Variants in CDH13 observed in about 807,000 individuals in gnomAD.
The protein encoded by CDH13 is cadherin-13.
A neutral mutation model predicts 63.8 loss-of-function variants in CDH13; 24 were observed. The observed-to-expected ratio is 0.38, with a 90% CI of 0.27 to 0.53. CDH13 has a LOEUF of 0.53. Ranked by LOEUF, CDH13 falls within the 20% of genes least tolerant of loss-of-function variation. The probability of loss-of-function intolerance (pLI) is 0.85; values close to 1 mark genes in which losing one functional copy is unlikely to be tolerated. For missense variants in CDH13, 1,049 were observed against 903.1 expected (o/e 1.16, Z -2.07); for synonymous variants, 503 against 355.3 (o/e 1.42, Z -4.67).
At chr16:83,426,440 T>G (rs1456486933) in intron 6 of CDH13, among the ~76,000 whole-genome samples, 1 of 151,996 alleles carries the variant, frequency 6.6e-6, no homozygotes, top group Non-Finnish European at 1.5e-5. Context: ...ACCATAAATC[T>G]CCTCCTGGAC....
At chr16:83,459,511 A>G (rs1054743300) in intron 6 of CDH13, among the ~76,000 whole-genome samples, 6 of 152,242 alleles carry the variant, frequency 3.9e-5, no homozygotes, top group African/African-American at 1.4e-4. Context: ...GGGTGAAACT[A>G]AAAACTTTTT....
chr16:83,542,625 G>T (rs1598260343), intron 7 of CDH13, among the ~76,000 whole-genome samples: 1 of 152,322 alleles, frequency 6.6e-6, no homozygotes, highest in Middle Eastern at 3.4e-3. Flanking sequence ...TGCTCTGGCA[G>T]CTAGTCCAGG....
intron 13 of CDH13, among the ~76,000 whole-genome samples, chr16:83,785,281 T>C (rs954099396): frequency 3.3e-5 from 5 of 152,202 alleles, no homozygotes; most frequent in East Asian, 1.9e-4. Flanking sequence ...GGCAGATTCA[T>C]TGTCTAGTGA....
At chr16:83,526,089 A>G (rs1430489921) in intron 7 of CDH13, among the ~76,000 whole-genome samples, 2 of 152,252 alleles carry the variant, frequency 1.3e-5, no homozygotes, top group Non-Finnish European at 2.9e-5. Flanking sequence ...AATTTGTTAC[A>G]GTAGCAATAT....
intron 4 of CDH13, among the ~76,000 whole-genome samples, chr16:83,140,782 A>G (rs1011726023): frequency 1.3e-5 from 2 of 152,220 alleles, no homozygotes; most frequent in African/African-American, 4.8e-5. Context: ...GGCATAGAGC[A>G]TGACATAAAA....
intron 3 of CDH13, among the ~76,000 whole-genome samples, chr16:83,094,094 A>G (rs888536519): frequency 1.5e-4 from 23 of 152,328 alleles, no homozygotes; most frequent in African/African-American, 5.3e-4. Flanking sequence ...TTACTCAGCA[A>G]TTAATCCTCA....
intron 1 of CDH13, among the ~76,000 whole-genome samples, chr16:82,704,168 A>AT (rs1282247494): frequency 1.2e-4 from 18 of 151,970 alleles, no homozygotes; most frequent in Admixed American, 1.1e-3. Flanking sequence ...GGGGGTGGGC[A>AT]TGGGGGGTTG....
intron 8 of CDH13, among the ~76,000 whole-genome samples, chr16:83,637,125 A>G (rs1911333728): frequency 6.6e-6 from 1 of 152,184 alleles, no homozygotes; most frequent in South Asian, 2.1e-4. Flanking sequence ...AACCATTTTA[A>G]ATACAGTTTG....
At chr16:83,003,902 C>A (rs1280338294) in intron 2 of CDH13, among the ~76,000 whole-genome samples, 1 of 152,142 alleles carries the variant, frequency 6.6e-6, no homozygotes, top group Non-Finnish European at 1.5e-5. Flanking sequence ...TTTATATTCT[C>A]CTTTAGTTTG....
chr16:83,481,873 C>T (rs768332348), intron 6 of CDH13, among the ~76,000 whole-genome samples: 13 of 152,052 alleles, frequency 8.5e-5, no homozygotes, highest in South Asian at 6.2e-4. Context: ...AAGACAAGCC[C>T]GGATAGGAAG....
intron 1 of CDH13, among the ~76,000 whole-genome samples, chr16:82,654,221 C>T (rs958904379): frequency 4.6e-5 from 7 of 152,140 alleles, no homozygotes; most frequent in African/African-American, 1.7e-4. Context: ...ACAGCAGGTC[C>T]GAGTCTCTCT....
chr16:82,703,853 C>G (rs1023472470), intron 1 of CDH13, among the ~76,000 whole-genome samples: 4 of 152,150 alleles, frequency 2.6e-5, no homozygotes, highest in Non-Finnish European at 4.4e-5. Context: ...TTCAGAGCCC[C>G]GTCAGTGACA....
Position 82,776,387 on chromosome 16 carries a change from G to C in CDH13, c.46-81975G>C, listed in dbSNP as rs573681422. 3.9e-5 allele frequency among the ~76,000 whole-genome samples: 6 copies of C among 152,302 alleles called. No homozygotes were observed. In the South Asian group the frequency reaches 1.2e-3, roughly 32 times the overall value. On this transcript the variant is annotated intron_variant, in intron 1 of 13. Transcript: ENST00000567109. ...CAAGGCCTGCATGCAAAAAAACCCA[G>C]TGCAGAGTTGGTGGTCAATTAGCTG... is the stretch of plus-strand genomic sequence containing the variant.
intron 3 of CDH13, among the ~76,000 whole-genome samples, chr16:83,104,160 C>G (rs375853149): frequency 1.3e-5 from 2 of 152,122 alleles, no homozygotes; most frequent in African/African-American, 4.8e-5. Flanking sequence ...TGTTGTTTTA[C>G]CATCCTAACA....
At position 83,514,161 on chromosome 16, in the gene CDH13, A is replaced by C. The variant is rs185269338; in HGVS notation, c.960+27506A>C. 4.3e-3 allele frequency among the ~76,000 whole-genome samples: 654 copies of C among 152,292 alleles called. 2 individuals carry two copies. Among genetic ancestry groups the C allele is most frequent in the South Asian group, 0.011 (53 of 4,816 alleles). ...TTGTTCTCTATATTTATTTACATGC[A>C]CTTAATCCTCACAATTACTCCATGC... On this transcript the variant is annotated intron_variant, in intron 7 of 13. Transcript: ENST00000567109.
chr16:82,930,479 G>A (rs1381123825), intron 2 of CDH13, among the ~76,000 whole-genome samples: 1 of 151,866 alleles, frequency 6.6e-6, no homozygotes, highest in Non-Finnish European at 1.5e-5. Context: ...TTTTCTTGAA[G>A]TAACTTTATG....
chr16:83,710,903 C>T (rs148343668), intron 10 of CDH13, among the ~76,000 whole-genome samples: 4 of 152,276 alleles, frequency 2.6e-5, no homozygotes, highest in East Asian at 1.9e-4. Flanking sequence ...ACTCGATCAT[C>T]GTTGTGTAGC....
intron 3 of CDH13, among the ~76,000 whole-genome samples, chr16:83,119,058 G>C (rs986929006): frequency 1.3e-5 from 2 of 152,108 alleles, no homozygotes; most frequent in Admixed American, 6.5e-5. Flanking sequence ...ACCAAAAGCT[G>C]CTCTTTCTAA....
chr16:83,383,439 C>A (rs564765570), intron 6 of CDH13, among the ~76,000 whole-genome samples: 1 of 152,134 alleles, frequency 6.6e-6, no homozygotes, highest in Admixed American at 6.5e-5. Flanking sequence ...AACTCACAAG[C>A]CTTGACTCAC....
Sources: allele counts gnomAD v4.1 joint callset (sites outside exome capture counted in the v4.1 genomes callset), GRCh38; gene constraint gnomAD v4.1.1; transcripts MANE v1.5; gene names NCBI Gene and HGNC (gene_info 2026-07-23, HGNC 2026-07-21).